The following TXNDC16 variants were observed in gnomAD, a reference collection of about 807,000 sequenced individuals.
TXNDC16 encodes thioredoxin domain-containing protein 16.
In TXNDC16, 74 loss-of-function variants were observed where a neutral mutation model predicts 85.6. The ratio of observed to expected loss-of-function variants is 0.86; its 90% CI spans 0.72 to 1.05. The LOEUF (loss-of-function observed/expected upper bound fraction) is 1.05, where lower values mean the gene tolerates loss of function less well. Ranked by LOEUF, TXNDC16 falls within the 50% of genes least tolerant of loss-of-function variation. The pLI is 0.00. For synonymous variants in TXNDC16, 335 were observed against 326.5 expected, an observed-to-expected ratio of 1.03 and a Z score of -0.28; for missense variants, 959 against 947.0, an observed-to-expected ratio of 1.01 and a Z score of -0.17.
intron 8 of TXNDC16, 53 bp from the exon 9 acceptor site, chr14:52,511,443 C>T: frequency 8.3e-7 from 1 of 1,205,482 alleles, no homozygotes; most frequent in Non-Finnish European, 1.1e-6. Context: ...GATCCTTCTA[C>T]CATCCAATAA....
intron 14 of TXNDC16, among the ~76,000 whole-genome samples, chr14:52,479,738 C>T (rs1594713393): frequency 6.6e-6 from 1 of 151,936 alleles, no homozygotes; most frequent in African/African-American, 2.4e-5. Context: ...TGAAAATGAC[C>T]ATACTGCCAA....
intron 6 of TXNDC16, among the ~76,000 whole-genome samples, chr14:52,522,887 T>C (rs1330807187): frequency 6.6e-6 from 1 of 152,182 alleles, no homozygotes; most frequent in Non-Finnish European, 1.5e-5. Flanking sequence ...AGCAGAACTA[T>C]CATTAACCCC....
chr14:52,500,366 ATGGCATAACTCAGTG>A (rs1594733059), intron 9 of TXNDC16, among the ~76,000 whole-genome samples: 1 of 152,240 alleles, frequency 6.6e-6, no homozygotes, highest in East Asian at 1.9e-4. Context: ...AAAAACAAAT[ATGGCATAACTCAGTG>A]TATATGTGGT....
At chr14:52,459,136 TAAAC>T (rs2035598384) in intron 16 of TXNDC16, among the ~76,000 whole-genome samples, 1 of 152,180 alleles carries the variant, frequency 6.6e-6, no homozygotes, top group Admixed American at 6.5e-5. Context: ...TTGCATAAAA[TAAAC>T]ATATTTATTT....
chr14:52,503,803 T>G (rs909300589), intron 9 of TXNDC16, among the ~76,000 whole-genome samples: 2 of 152,146 alleles, frequency 1.3e-5, no homozygotes, highest in Non-Finnish European at 1.5e-5. Context: ...TTCGAAGCCA[T>G]GGCAAAGAAG....
intron 9 of TXNDC16, among the ~76,000 whole-genome samples, chr14:52,499,285 C>T (rs890517030): frequency 1.3e-5 from 2 of 151,920 alleles, no homozygotes; most frequent in Non-Finnish European, 2.9e-5. Context: ...GATATGACAA[C>T]AAAAGCACAA....
intron 14 of TXNDC16, among the ~76,000 whole-genome samples, chr14:52,481,601 T>TTAC (rs2036152836): frequency 1.3e-5 from 2 of 152,270 alleles, no homozygotes; most frequent in African/African-American, 4.8e-5. Context: ...CATAAGGAAC[T>TTAC]TACATCAAGC....
chr14:52,475,685 G>A (rs1356744547), intron 14 of TXNDC16, among the ~76,000 whole-genome samples: 2 of 152,208 alleles, frequency 1.3e-5, no homozygotes, highest in South Asian at 4.2e-4. Context: ...AGTAGAATCT[G>A]AGCTCAGACA....
At chr14:52,484,203 G>T (rs564970656) in intron 12 of TXNDC16, among the ~76,000 whole-genome samples, 2 of 150,670 alleles carry the variant, frequency 1.3e-5, no homozygotes, top group African/African-American at 2.4e-5. Flanking sequence ...CAATAAGGGG[G>T]GGGGGTGATT....
intron 4 of TXNDC16, 114 bp from the exon 5 acceptor site, chr14:52,537,786 T>C (rs1594764493): frequency 4.6e-5 from 29 of 632,470 alleles, no homozygotes; most frequent in South Asian, 1.1e-4. Context: ...AAATTTTGTA[T>C]TTTATGTTTT....
chr14:52,504,672 A>C (rs1365066773), intron 9 of TXNDC16, among the ~76,000 whole-genome samples: 1 of 152,244 alleles, frequency 6.6e-6, no homozygotes, highest in Non-Finnish European at 1.5e-5. Flanking sequence ...CTAACGAGCA[A>C]AATAACCAGC....
chr14:52,439,309 G>A lies in TXNDC16; in HGVS notation c.2089C>T (p.His697Tyr). 6 of 1,614,004 alleles carry A rather than the reference G, an allele frequency of 3.7e-6. No homozygotes were observed. Among genetic ancestry groups the A allele is most frequent in the Non-Finnish European group, 5.1e-6 (6 of 1,179,976 alleles). ...PLPLLVLVNLHSGGQVFAFPS... is the reference protein window; with the variant it reads ...PLPLLVLVNLYSGGQVFAFPS... ...AATGCAAATACTTGGCCACCTGAAT[G>A]CAGATTCACCAAAACAAGAAGAGGA... is the stretch of plus-strand genomic sequence containing the variant. The change falls in exon 20 of 21, where the codon CAT becomes TAT. Residue 697 changes from histidine (H) to tyrosine (Y), a missense_variant. By Grantham distance (83) the His-to-Tyr change is moderately conservative. Transcript: ENST00000281741.
chr14:52,493,193 C>CTATATATATATATATA (rs555994196), intron 9 of TXNDC16, among the ~76,000 whole-genome samples: 100 of 126,066 alleles, frequency 7.9e-4, no homozygotes, highest in African/African-American at 3.0e-3. Flanking sequence ...TGTCACTGTT[C>CTATATATATATATATA]TATATATATA....
At chr14:52,542,916 T>C (rs1250497080) in intron 3 of TXNDC16, among the ~76,000 whole-genome samples, 1 of 152,164 alleles carries the variant, frequency 6.6e-6, no homozygotes, top group Non-Finnish European at 1.5e-5. Context: ...AATTTGACTA[T>C]TAAAAAAATT....
At chr14:52,541,615 G>C (rs755284736) in intron 4 of TXNDC16, among the ~76,000 whole-genome samples, 159 of 152,296 alleles carry the variant, frequency 1.0e-3, no homozygotes, top group Non-Finnish European at 4.4e-4. Flanking sequence ...TAGCTGCAGA[G>C]ACCAAGAGCG....
chr14:52,482,828 C>A lies in TXNDC16; in HGVS notation c.1246G>T (p.Ala416Ser). 1 of 1,606,946 alleles carries A rather than the reference C, an allele frequency of 6.2e-7. No individual in the cohort carries two copies. The highest frequency in any genetic ancestry group is 8.5e-7 in the Non-Finnish European group (1 of 1,178,016). Residue 416 changes from alanine to serine, a missense_variant, in exon 13 of 21, where the codon GCT (alanine) becomes TCT (serine). Transcript: ENST00000281741. ...MASDSIVLFY[A>S]GWQAVSMAFL... ...TCTAAAGGCTCATACTCACAACCAG[C>A]ATAGAAGAGTACTATGCTGTCAGAA... is the stretch of plus-strand genomic sequence containing the variant.
intron 9 of TXNDC16, among the ~76,000 whole-genome samples, chr14:52,501,091 A>T (rs1039666181): frequency 1.3e-5 from 2 of 152,170 alleles, no homozygotes; most frequent in African/African-American, 4.8e-5. Flanking sequence ...ACAACTCCAT[A>T]TCTGGCAGAA....
intron 9 of TXNDC16, among the ~76,000 whole-genome samples, chr14:52,491,660 A>G (rs1023169493): frequency 1.3e-5 from 2 of 152,194 alleles, no homozygotes; most frequent in African/African-American, 4.8e-5. Flanking sequence ...TAACTAAGGA[A>G]CAAACTTTTT....
chr14:52,543,988 G>A (rs1011262025), intron 2 of TXNDC16, among the ~76,000 whole-genome samples: 3 of 151,720 alleles, frequency 2.0e-5, no homozygotes, highest in South Asian at 2.1e-4. Flanking sequence ...AGAAATAATC[G>A]AATAATTATT....
Sources: allele counts gnomAD v4.1 joint callset (sites outside exome capture counted in the v4.1 genomes callset), GRCh38; gene constraint gnomAD v4.1.1; transcripts MANE v1.5; gene names NCBI Gene and HGNC (gene_info 2026-07-23, HGNC 2026-07-21).